CCDC125: variants seen among roughly 807,000 people sequenced by gnomAD.
The protein encoded by CCDC125 is coiled-coil domain-containing protein 125.
Under a neutral mutation model 57.4 loss-of-function variants are expected in CCDC125, and 43 were observed. That is an observed-to-expected ratio of 0.75 (90% CI 0.59 to 0.97). The LOEUF (loss-of-function observed/expected upper bound fraction) is 0.97. Ranked by LOEUF, CCDC125 falls within the 50% of genes least tolerant of loss-of-function variation. The probability of loss-of-function intolerance (pLI) is 0.00; values close to 1 mark genes in which losing one functional copy is unlikely to be tolerated. For missense variants in CCDC125, 563 were observed against 595.7 expected (o/e 0.95, Z 0.57); for synonymous variants, 187 against 195.2 (o/e 0.96, Z 0.35).
the CCDC125 span, among the ~76,000 whole-genome samples, chr5:69,274,231 T>C: frequency 2.6e-5 from 4 of 152,348 alleles, no homozygotes; most frequent in East Asian, 7.7e-4. Flanking sequence ...GTGAGTTTTG[T>C]TTCATGGATG....
At chr5:69,285,577 G>A (rs1753204544) in intron 10 of CCDC125, 110 bp from the exon 11 acceptor site, 1 of 1,056,492 alleles carries the variant, frequency 9.5e-7, no homozygotes, top group African/African-American at 1.6e-5. Flanking sequence ...GGAGCACACA[G>A]TGGAATGTAG....
Position 69,293,072 on chromosome 5 carries a change from C to G in CCDC125, c.925-710G>C, listed in dbSNP as rs555663949. On this transcript the variant is annotated intron_variant, in intron 9 of 11. Transcript: ENST00000396496. ...CCCAGGCTGGTCTCGAACTCCTGAG[C>G]TCAGGTAATCCACCCGCCTCGGCCT... Among the ~76,000 whole-genome samples the G allele has an allele frequency of 5.3e-5, 8 of 151,856 alleles. No homozygotes were observed. The East Asian group carries it at 1.2e-3, about 23-fold the overall frequency.
At chr5:69,318,134 A>C (rs1269474930) in intron 2 of CCDC125, among the ~76,000 whole-genome samples, 1 of 151,608 alleles carries the variant, frequency 6.6e-6, no homozygotes, top group Non-Finnish European at 1.5e-5. Context: ...GGTGCACGCC[A>C]CCATGCCTGG....
At position 69,304,105 on chromosome 5, in the gene CCDC125, ATT is replaced by A. The variant is rs35098133; in HGVS notation, c.618-178_618-177del. ...AACAATTTAAAGGAATGTGGTAAGA[ATT>A]TTTTTTTTTTTTTTTGAAATGGAGT... is the stretch of plus-strand genomic sequence containing the variant. On this transcript the variant is annotated intron_variant, in intron 6 of 11. Coordinates refer to ENST00000396496, the MANE Select transcript of CCDC125 (RefSeq NM_176816.5). Among the ~76,000 whole-genome samples the A allele has an allele frequency of 7.4e-3, 1,054 of 142,102 alleles. 9 individuals are homozygous for A. The highest frequency in any genetic ancestry group is 0.021 in the African/African-American group (817 of 38,564). The allele number at this position is 142,102 out of a possible 152,430, so 93.2% of individuals were successfully genotyped here.
In CCDC125 at chr5:69,314,051, G is replaced by A. The variant is rs753631301; in HGVS notation, c.305-5C>T. ...ACAATTCTGAATTCGAATCTACTTG[G>A]GAGGGAGGAGAAAAGAATCTATTAG... On this transcript the variant is annotated splice_region_variant and splice_polypyrimidine_tract_variant and intron_variant, in intron 2 of 11. Coordinates refer to ENST00000396496, the MANE Select transcript of CCDC125 (RefSeq NM_176816.5). The A allele has an allele frequency of 1.3e-6, 2 of 1,599,082 alleles. No individual in the cohort carries two copies. The highest frequency in any genetic ancestry group is 1.3e-5 in the African/African-American group (1 of 74,762).
intron 7 of CCDC125, among the ~76,000 whole-genome samples, chr5:69,303,044 G>C (rs1009509596): frequency 2.0e-5 from 3 of 152,060 alleles, no homozygotes; most frequent in Non-Finnish European, 4.4e-5. Flanking sequence ...TTTCGAGACC[G>C]AGTTTCGCTC....
At chr5:69,297,441 C>T (rs1561429745) in intron 8 of CCDC125, among the ~76,000 whole-genome samples, 1 of 151,926 alleles carries the variant, frequency 6.6e-6, no homozygotes, top group Non-Finnish European at 1.5e-5. Context: ...CTCACCACAA[C>T]CACTGTCTCC....
intron 10 of CCDC125, among the ~76,000 whole-genome samples, chr5:69,290,096 G>A (rs1044888257): frequency 1.3e-5 from 2 of 151,754 alleles, no homozygotes; most frequent in Non-Finnish European, 2.9e-5. Context: ...CTGTAGTTCT[G>A]ATTTACTGCT....
At chr5:69,319,008 G>A (rs1759593916) in intron 2 of CCDC125, among the ~76,000 whole-genome samples, 1 of 147,834 alleles carries the variant, frequency 6.8e-6, no homozygotes. Flanking sequence ...GTACAATTTT[G>A]GCTCCACCTC....
intron 2 of CCDC125, among the ~76,000 whole-genome samples, chr5:69,314,810 A>G (rs933138844): frequency 1.3e-5 from 2 of 152,144 alleles, no homozygotes; most frequent in Admixed American, 6.6e-5. Flanking sequence ...TAAAAAAAAC[A>G]AAAAAGGACT....
intron 1 of CCDC125, among the ~76,000 whole-genome samples, chr5:69,331,825 T>C (rs1050467615): frequency 3.9e-5 from 6 of 152,214 alleles, no homozygotes; most frequent in African/African-American, 1.4e-4. Context: ...CTGACTCCCT[T>C]GGACCAGATG....
intron 8 of CCDC125, among the ~76,000 whole-genome samples, chr5:69,297,505 A>C (rs1726851031): frequency 6.6e-6 from 1 of 151,308 alleles, no homozygotes; most frequent in South Asian, 2.1e-4. Flanking sequence ...GATTACAGGC[A>C]TACACCACCA....
chr5:69,295,801 TA>T (rs1755208553), intron 8 of CCDC125, among the ~76,000 whole-genome samples: 1 of 152,086 alleles, frequency 6.6e-6, no homozygotes, highest in South Asian at 2.1e-4. Flanking sequence ...GAAATTCTGT[TA>T]AACTTCCCTA....
intron 7 of CCDC125, among the ~76,000 whole-genome samples, chr5:69,302,160 A>G (rs28792998): frequency 0.94 from 142,238 of 151,702 alleles, 67,079 homozygotes; most frequent in East Asian, 1. Context: ...GGTGATTCAC[A>G]CCTGTAATCC....
downstream of CCDC125, chr5:69,276,677 G>A: frequency 1.2e-6 from 2 of 1,614,000 alleles, no homozygotes; most frequent in Non-Finnish European, 8.5e-7. Flanking sequence ...AAAGAACAGA[G>A]GCCTTAGAAC....
chr5:69,295,733 G>T (rs139780730), intron 8 of CCDC125, among the ~76,000 whole-genome samples: 219 of 152,164 alleles, frequency 1.4e-3, no homozygotes, highest in African/African-American at 5.1e-3. Context: ...AAAAGAAAAC[G>T]ATCACCTCAA....
At chr5:69,314,419 C>T (rs552067475) in intron 2 of CCDC125, among the ~76,000 whole-genome samples, 3 of 150,942 alleles carry the variant, frequency 2.0e-5, no homozygotes, top group African/African-American at 4.9e-5. Flanking sequence ...GAGCGGAGAT[C>T]GTGCCACTGT....
At chr5:69,307,686 A>AG (rs1244700885) in intron 5 of CCDC125, 2 of 410,540 alleles carry the variant, frequency 4.9e-6, no homozygotes, top group East Asian at 8.9e-5. Flanking sequence ...CATCTCAAAA[A>AG]AAAAAAAAAA....
At chr5:69,299,356 G>T (rs6888092) in intron 8 of CCDC125, among the ~76,000 whole-genome samples, 115,035 of 151,568 alleles carry the variant, frequency 0.76, 47,337 homozygotes, top group East Asian at 0.92. Context: ...TGATCCGCCC[G>T]CCTCGGCTTC....
Sources: gnomAD v4.1 joint callset for allele counts (sites outside exome capture counted in the v4.1 genomes callset) on GRCh38, gnomAD v4.1.1 for gene constraint, MANE v1.5 for transcripts, NCBI Gene and HGNC (gene_info 2026-07-23, HGNC 2026-07-21) for gene names.